NRXN3: variants seen among roughly 807,000 people sequenced by gnomAD.
The protein encoded by NRXN3 is neurexin 3, also known as neurexin III.
Under a neutral mutation model 137.6 loss-of-function variants are expected in NRXN3, and 32 were observed. The observed-to-expected ratio is 0.23, with a 90% CI of 0.18 to 0.31. The LOEUF is 0.31. NRXN3 is among the 10% of genes least tolerant of loss of function. The pLI, the probability that NRXN3 is intolerant of heterozygous loss-of-function variation, is 1.00. For synonymous variants in NRXN3, 798 were observed against 784.5 expected, an observed-to-expected ratio of 1.02 and a Z score of -0.29; for missense variants, 1,574 against 2,062.5, an observed-to-expected ratio of 0.76 and a Z score of 4.59.
intron 15 of NRXN3, among the ~76,000 whole-genome samples, chr14:79,305,831 A>T (rs967619535): frequency 6.6e-6 from 1 of 152,074 alleles, no homozygotes; most frequent in Non-Finnish European, 1.5e-5. Flanking sequence ...GCAAACTTAC[A>T]TTGGAAGATC....
intron 8 of NRXN3, among the ~76,000 whole-genome samples, chr14:78,768,075 CAAAAAA>C (rs79591478): frequency 1.2e-5 from 1 of 81,612 alleles, no homozygotes; most frequent in Non-Finnish European, 2.7e-5. Flanking sequence ...ATGTGTTTAC[CAAAAAA>C]AAAAAAAAAA....
intron 16 of NRXN3, among the ~76,000 whole-genome samples, chr14:79,630,529 A>C (rs2098333829): frequency 1.3e-5 from 2 of 152,236 alleles, no homozygotes; most frequent in Admixed American, 1.3e-4. Context: ...TTAGGTGAAG[A>C]CTGACGGACA....
chr14:78,338,160 A>T (rs1463198313), intron 4 of NRXN3, among the ~76,000 whole-genome samples: 1 of 152,330 alleles, frequency 6.6e-6, no homozygotes, highest in East Asian at 1.9e-4. Context: ...GACTTCCACC[A>T]GGGCTGCCCT....
chr14:78,674,679 G>A (rs552987559), intron 6 of NRXN3, among the ~76,000 whole-genome samples: 2 of 152,264 alleles, frequency 1.3e-5, no homozygotes, highest in African/African-American at 4.8e-5. Flanking sequence ...AAACATCCCA[G>A]TATTTATAGA....
chr14:79,624,656 T>G (rs2098262131), intron 16 of NRXN3, among the ~76,000 whole-genome samples: 1 of 152,134 alleles, frequency 6.6e-6, no homozygotes, highest in Non-Finnish European at 1.5e-5. Flanking sequence ...TTGTACCCTT[T>G]AACCTATATC....
chr14:79,382,384 G>A (rs1162044581), intron 15 of NRXN3, among the ~76,000 whole-genome samples: 3 of 152,156 alleles, frequency 2.0e-5, no homozygotes, highest in Middle Eastern at 3.2e-3. Context: ...AAGTTTTATA[G>A]GGTCATACTG....
At chr14:78,510,968 G>T (rs1200179007) in intron 4 of NRXN3, among the ~76,000 whole-genome samples, 18 of 152,112 alleles carry the variant, frequency 1.2e-4, no homozygotes, top group Admixed American at 1.2e-3. Flanking sequence ...ATGGCTTAGG[G>T]TTTCATAAAT....
At chr14:79,564,116 G>A (rs150651933) in intron 16 of NRXN3, among the ~76,000 whole-genome samples, 1,654 of 151,632 alleles carry the variant, frequency 0.011, 20 homozygotes, top group Middle Eastern at 0.037. Context: ...AATTACATGT[G>A]TAAGTGTATT....
chr14:79,077,603 G>A (rs548500304), intron 15 of NRXN3, among the ~76,000 whole-genome samples: 89 of 152,206 alleles, frequency 5.8e-4, no homozygotes, highest in Middle Eastern at 3.4e-3. Context: ...CAATTATAAA[G>A]AGAGATCACA....
intron 1 of NRXN3, among the ~76,000 whole-genome samples, chr14:78,232,135 C>G (rs2153438352): frequency 6.6e-6 from 1 of 152,340 alleles, no homozygotes; most frequent in East Asian, 1.9e-4. Flanking sequence ...TGAGGTGTGC[C>G]CGGTAGATGG....
chr14:78,579,434 G>A (rs1202479499), intron 4 of NRXN3, among the ~76,000 whole-genome samples: 2 of 151,944 alleles, frequency 1.3e-5, no homozygotes, highest in African/African-American at 4.8e-5. Context: ...TCCAAGCTGT[G>A]TCTGAATTCA....
chr14:79,377,352 T>C (rs2094332941), intron 15 of NRXN3, among the ~76,000 whole-genome samples: 2 of 152,194 alleles, frequency 1.3e-5, no homozygotes, highest in South Asian at 4.1e-4. Flanking sequence ...CTGAAACTTT[T>C]GTAATGTCAA....
At chr14:79,125,669 G>A (rs936714355) in intron 15 of NRXN3, among the ~76,000 whole-genome samples, 69 of 152,098 alleles carry the variant, frequency 4.5e-4, no homozygotes, top group African/African-American at 1.5e-3. Context: ...CTTTCACTAT[G>A]CTTGGCCTCT....
At position 79,032,462 on chromosome 14, in the gene NRXN3, C is replaced by G. The variant is rs12018980; in HGVS notation, c.3262+44321C>G. Among the ~76,000 whole-genome samples, 541 of 152,230 alleles carry G rather than the reference C, an allele frequency of 3.6e-3. 2 individuals are homozygous for G. The highest frequency in any genetic ancestry group is 0.013 in the African/African-American group (524 of 41,558). On this transcript the variant is annotated intron_variant, in intron 15 of 20. Coordinates refer to ENST00000335750, the MANE Select transcript of NRXN3 (RefSeq NM_001330195.2). ...AACAATGTTTCTACCATAAACAGAA[C>G]TGACTCAAAGGGGCAAAAAGTAAAT...
At chr14:79,833,334 AGAAT>A (rs2099328704) in intron 20 of NRXN3, among the ~76,000 whole-genome samples, 3 of 152,326 alleles carry the variant, frequency 2.0e-5, no homozygotes, top group African/African-American at 7.2e-5. Context: ...AGATAGTAAA[AGAAT>A]GAATTAAAAT....
intron 15 of NRXN3, among the ~76,000 whole-genome samples, chr14:79,360,816 T>C (rs914810782): frequency 6.6e-6 from 1 of 152,260 alleles, no homozygotes; most frequent in Non-Finnish European, 1.5e-5. Flanking sequence ...CGAATTTACC[T>C]AATCTTTTTG....
intron 17 of NRXN3, among the ~76,000 whole-genome samples, chr14:79,681,938 T>C (rs17109739): frequency 0.065 from 9,919 of 152,216 alleles, 360 homozygotes; most frequent in South Asian, 0.098. Context: ...ATCTTGATTC[T>C]TTCTGCCATA....
chr14:78,510,673 C>T (rs2096087075), intron 4 of NRXN3, among the ~76,000 whole-genome samples: 2 of 152,100 alleles, frequency 1.3e-5, no homozygotes, highest in African/African-American at 2.4e-5. Flanking sequence ...GGATAATTTG[C>T]TTTCTTTGTT....
intron 15 of NRXN3, among the ~76,000 whole-genome samples, chr14:79,346,756 T>G (rs967469161): frequency 1.3e-5 from 2 of 152,188 alleles, no homozygotes; most frequent in Non-Finnish European, 2.9e-5. Flanking sequence ...AGGGTTCACT[T>G]ACATCTCGCC....
Sources: allele counts gnomAD v4.1 joint callset (sites outside exome capture counted in the v4.1 genomes callset), GRCh38; gene constraint gnomAD v4.1.1; transcripts MANE v1.5; gene names NCBI Gene and HGNC (gene_info 2026-07-23, HGNC 2026-07-21).